Variants in CFDP1 observed in about 807,000 individuals in gnomAD.
CFDP1 encodes the protein chromatin remodeling protein CFDP1.
Under a neutral mutation model 40.1 loss-of-function variants are expected in CFDP1, and 31 were observed. The observed-to-expected ratio is 0.77, with a 90% CI of 0.58 to 1.04. The LOEUF (loss-of-function observed/expected upper bound fraction) is 1.04. Among genes scored for constraint, CFDP1 ranks in the 50% least tolerant of loss-of-function variants. CFDP1 has a pLI of 0.00. For missense variants in CFDP1, 423 were observed against 343.4 expected, an observed-to-expected ratio of 1.23 and a Z score of -1.83; for synonymous variants, 167 against 120.0, an observed-to-expected ratio of 1.39 and a Z score of -2.56.
chr16:75,308,047 T>C (rs1250374616), intron 5 of CFDP1, among the ~76,000 whole-genome samples: 2 of 152,232 alleles, frequency 1.3e-5, no homozygotes, highest in Admixed American at 1.3e-4. Context: ...AGACTCACTG[T>C]TGACAACACC....
intron 6 of CFDP1, chr16:75,301,932 G>A (rs1404392233): frequency 6.6e-6 from 1 of 152,474 alleles, no homozygotes; most frequent in Non-Finnish European, 1.5e-5. Context: ...AGGAGAGTGA[G>A]TGGAGATGTG....
chr16:75,338,738 C>T (rs1428529033), intron 5 of CFDP1, among the ~76,000 whole-genome samples: 1 of 152,116 alleles, frequency 6.6e-6, no homozygotes, highest in Non-Finnish European at 1.5e-5. Context: ...GAATGAGAAA[C>T]TGAGTTCCTG....
chr16:75,423,111 T>C (rs2079298403), intron 1 of CFDP1, among the ~76,000 whole-genome samples: 1 of 151,732 alleles, frequency 6.6e-6, no homozygotes, highest in Admixed American at 6.6e-5. Context: ...AAACCCCATC[T>C]CTACTAAAAA....
chr16:75,310,832 C>T (rs987522231), intron 5 of CFDP1, among the ~76,000 whole-genome samples: 2 of 152,126 alleles, frequency 1.3e-5, no homozygotes, highest in African/African-American at 2.4e-5. Context: ...AGATCTTTCC[C>T]GGAGATCTTT....
At chr16:75,422,270 G>A (rs951915410) in intron 1 of CFDP1, among the ~76,000 whole-genome samples, 3 of 151,622 alleles carry the variant, frequency 2.0e-5, no homozygotes, top group Non-Finnish European at 4.4e-5. Flanking sequence ...CTAATTTTTT[G>A]TATTTTTAGT....
rs377374286 is a variant in CFDP1 at position 75,349,343 on chromosome 16, C to G, written c.651-44161G>C. ...AGGCCAAAATGGTGAACTCCCATCT[C>G]CACTAAAAATAGAAAAATTAGCCGG... is the stretch of plus-strand genomic sequence containing the variant. On this transcript the variant is annotated intron_variant, in intron 5 of 6. Transcript: ENST00000283882. 1.5e-4 allele frequency among the ~76,000 whole-genome samples: 23 copies of G among 151,512 alleles called. 1 individual carries two copies. The highest frequency in any genetic ancestry group is 1.1e-3 in the Admixed American group (16 of 15,162).
At chr16:75,384,892 ATATATATT>A (rs1377206267) in intron 5 of CFDP1, among the ~76,000 whole-genome samples, 16 of 98,996 alleles carry the variant, frequency 1.6e-4, no homozygotes, top group African/African-American at 4.9e-4. Flanking sequence ...ATATATATAT[ATATATATT>A]GCAGACCAGT....
At chr16:75,365,022 T>C (rs1160965799) in intron 5 of CFDP1, among the ~76,000 whole-genome samples, 1 of 152,248 alleles carries the variant, frequency 6.6e-6, no homozygotes, top group Non-Finnish European at 1.5e-5. Flanking sequence ...GTGACTATAA[T>C]GTGTTGTGGA....
chr16:75,426,159 T>G lies in CFDP1; in HGVS notation c.64+7130A>C, dbSNP rs1397208968. On this transcript the variant is annotated intron_variant, in intron 1 of 6. Transcript: ENST00000283882. ...TGAGGTTGGGAGTTCAAGACCAGCC[T>G]GACCAACATGGAGAAACCCTGTCTC... 2.0e-5 allele frequency among the ~76,000 whole-genome samples: 3 copies of G among 150,294 alleles called. No individual in the cohort carries two copies. In the East Asian group the frequency reaches 5.8e-4, roughly 29 times the overall value.
intron 4 of CFDP1, among the ~76,000 whole-genome samples, chr16:75,405,466 G>A (rs1441596142): frequency 2.0e-5 from 3 of 151,948 alleles, no homozygotes; most frequent in African/African-American, 7.3e-5. Flanking sequence ...AAACACAAGA[G>A]GCCTGGTGTG....
At chr16:75,424,624 G>A (rs764155262) in intron 1 of CFDP1, among the ~76,000 whole-genome samples, 1 of 151,930 alleles carries the variant, frequency 6.6e-6, no homozygotes, top group Non-Finnish European at 1.5e-5. Flanking sequence ...CGTGGTGGCG[G>A]GCGCCTGTAG....
At chr16:75,424,980 A>G (rs887450781) in intron 1 of CFDP1, among the ~76,000 whole-genome samples, 3 of 151,078 alleles carry the variant, frequency 2.0e-5, no homozygotes, top group Non-Finnish European at 4.4e-5. Context: ...CTGGTAAATG[A>G]GTTTAGCAAG....
intron 3 of CFDP1, 47 bp downstream of exon 3, chr16:75,412,488 T>A (rs1268886711): frequency 3.6e-6 from 5 of 1,385,986 alleles, no homozygotes; most frequent in Non-Finnish European, 5.1e-6. Flanking sequence ...CTCAGTAATG[T>A]AGGGTATTTC....
At chr16:75,367,164 C>CAA (rs35018865) in intron 5 of CFDP1, among the ~76,000 whole-genome samples, 6 of 86,950 alleles carry the variant, frequency 6.9e-5, no homozygotes, top group South Asian at 3.8e-4. Flanking sequence ...GACTCCATCT[C>CAA]AAAAAAAAAA....
intron 6 of CFDP1, among the ~76,000 whole-genome samples, chr16:75,299,618 C>T (rs1048252075): frequency 1.2e-4 from 18 of 151,724 alleles, no homozygotes; most frequent in African/African-American, 4.1e-4. Flanking sequence ...AATTCGAATC[C>T]TACTAGACTG....
rs150987819 is a variant in CFDP1, at chr16:75,410,055, C to CA, written c.530+1769dup. Among the ~76,000 whole-genome samples, 73 of 52,542 alleles carry CA rather than the reference C, an allele frequency of 1.4e-3. 2 individuals carry two copies. Among genetic ancestry groups the CA allele is most frequent in the African/African-American group, 5.3e-3 (66 of 12,530 alleles). The allele number at this position is 52,542 out of a possible 152,430, so 34.5% of individuals were successfully genotyped here. ...TAGGCAACACAGCAAGACCCTTTCT[C>CA]AAAAAAAAAAAAAAAAAAAAAAAAA... On this transcript the variant is annotated intron_variant, in intron 4 of 6. Coordinates refer to ENST00000283882, the MANE Select transcript of CFDP1 (RefSeq NM_006324.3).
intron 5 of CFDP1, among the ~76,000 whole-genome samples, chr16:75,336,174 C>G (rs114066203): frequency 0.022 from 3,418 of 152,288 alleles, 73 homozygotes; most frequent in African/African-American, 0.055. Context: ...CACTTTCTCT[C>G]AGCCAGACAG....
chr16:75,303,509 C>CCCA (rs1555552238), intron 6 of CFDP1, among the ~76,000 whole-genome samples: 3 of 146,542 alleles, frequency 2.0e-5, no homozygotes, highest in Non-Finnish European at 4.5e-5. Flanking sequence ...TATGACCCCC[C>CCCA]CCAATAAATC....
intron 5 of CFDP1, chr16:75,324,832 A>G (rs2078391604): frequency 6.6e-6 from 1 of 151,898 alleles, no homozygotes; most frequent in Non-Finnish European, 1.5e-5. Context: ...AGGCTAAGTC[A>G]TCTTTGGCAG....
Sources: gnomAD v4.1 joint callset for allele counts (sites outside exome capture counted in the v4.1 genomes callset) on GRCh38, gnomAD v4.1.1 for gene constraint, MANE v1.5 for transcripts, NCBI Gene and HGNC (gene_info 2026-07-23, HGNC 2026-07-21) for gene names.